KTN1: variants seen among roughly 807,000 people sequenced by gnomAD.
KTN1 encodes the protein kinectin.
Under a neutral mutation model 222.5 loss-of-function variants are expected in KTN1, and 130 were observed. The observed-to-expected ratio is 0.58, with a 90% CI of 0.51 to 0.68. The LOEUF (loss-of-function observed/expected upper bound fraction) is 0.68. Ranked by LOEUF, KTN1 falls within the 30% of genes least tolerant of loss-of-function variation. The probability of loss-of-function intolerance (pLI) is 0.00; values close to 1 mark genes in which losing one functional copy is unlikely to be tolerated. For synonymous variants in KTN1, 512 were observed against 496.3 expected, an observed-to-expected ratio of 1.03 and a Z score of -0.42; for missense variants, 1,508 against 1,500.4, an observed-to-expected ratio of 1.01 and a Z score of -0.08.
chr14:55,592,943 G>GCTA (rs2034391039), intron 1 of KTN1, among the ~76,000 whole-genome samples: 5 of 151,900 alleles, frequency 3.3e-5, no homozygotes, highest in Admixed American at 2.0e-4. Context: ...GACCTGTCTT[G>GCTA]GAGGCTAAGT....
chr14:55,616,509 T>C lies in KTN1; in HGVS notation c.524-8T>C, dbSNP rs774510326. ...CACAATTATTTTTTTTGTTTGTGTTTAATAAAGATGACCAGGATAAAAAGG... is the reference window on the plus strand; with the variant it reads ...CACAATTATTTTTTTTGTTTGTGTTCAATAAAGATGACCAGGATAAAAAGG... On this transcript the variant is annotated splice_region_variant and splice_polypyrimidine_tract_variant and intron_variant, in intron 2 of 43. Coordinates refer to ENST00000395314, the MANE Select transcript of KTN1 (RefSeq NM_001079521.2). 5 of 1,566,146 alleles carry C rather than the reference T, an allele frequency of 3.2e-6. No individual in the cohort carries two copies. The East Asian group carries it at 9.1e-5, about 28-fold the overall frequency.
At chr14:55,661,910 A>T (rs1264250467) in intron 32 of KTN1, 1 of 194,506 alleles carries the variant, frequency 5.1e-6, no homozygotes, top group Non-Finnish European at 1.0e-5. Context: ...TTGAACTTTT[A>T]TTTGGAAAAA....
chr14:55,590,679 CTT>C (rs1199051378), intron 1 of KTN1, among the ~76,000 whole-genome samples: 13 of 141,510 alleles, frequency 9.2e-5, no homozygotes, highest in Non-Finnish European at 1.1e-4. Context: ...TCAGGATATT[CTT>C]TTTTTTTTTT....
At chr14:55,625,559 A>C (rs921006355) in intron 5 of KTN1, among the ~76,000 whole-genome samples, 7 of 152,014 alleles carry the variant, frequency 4.6e-5, no homozygotes, top group African/African-American at 1.7e-4. Flanking sequence ...TTCATGTTTT[A>C]GTTTTAATTT....
rs745603741 is a variant in KTN1, at chr14:55,672,694, T to C, written c.3596T>C (p.Ile1199Thr). The C allele has an allele frequency of 1.3e-5, 20 of 1,580,842 alleles. No individual in the cohort carries two copies. The Admixed American group carries it at 3.0e-4, about 24-fold the overall frequency. Residue 1199 changes from isoleucine to threonine, a missense_variant, in exon 38 of 44, where the codon ATT (isoleucine) becomes ACT (threonine). Physicochemically the swap from Ile to Thr is moderately conservative, Grantham distance 89. Transcript: ENST00000395314. ...CGATTAAGAAGCGAAAATAAGGATA[T>C]TGAAAATGTATGTTATTTGATTGTT... ...LERLRSENKD[I>T]ENLRREREHL...
chr14:55,637,687 G>T, intron 11 of KTN1, 92 bp from the exon 12 acceptor site: 4 of 816,606 alleles, frequency 4.9e-6, no homozygotes, highest in Non-Finnish European at 7.5e-6. Flanking sequence ...AAAAGAAAAA[G>T]ATAAACAAAT....
In KTN1 at chr14:55,612,358, G is replaced by A. The variant is rs1181627572; in HGVS notation, c.310G>A (p.Val104Ile). ...TCAAGTTGCACCTGTTCCATTGAAT[G>A]TCGTTGAAACTTCAAGTAGTGTTAG... ...DDQVAPVPLNVVETSSSVRER... is the reference protein window; with the variant it reads ...DDQVAPVPLNIVETSSSVRER... Residue 104 changes from valine (V) to isoleucine (I), a missense_variant, in exon 2 of 44, where the codon GTC (valine) becomes ATC (isoleucine). Coordinates refer to ENST00000395314, the MANE Select transcript of KTN1 (RefSeq NM_001079521.2). 5 of 1,614,062 alleles carry A rather than the reference G, an allele frequency of 3.1e-6. No homozygotes were observed. The highest frequency in any genetic ancestry group is 2.2e-5 in the South Asian group (2 of 91,066).
intron 6 of KTN1, among the ~76,000 whole-genome samples, chr14:55,629,595 T>C (rs531270265): frequency 6.6e-6 from 1 of 152,254 alleles, no homozygotes; most frequent in South Asian, 2.1e-4. Flanking sequence ...AGAGAACGTG[T>C]ACCTGGGAAT....
intron 1 of KTN1, among the ~76,000 whole-genome samples, chr14:55,589,826 T>G (rs2033783956): frequency 6.6e-6 from 1 of 151,866 alleles, no homozygotes; most frequent in Admixed American, 6.6e-5. Flanking sequence ...GCCCAGCTAA[T>G]TTTTGTATTT....
At position 55,641,681 on chromosome 14, in the gene KTN1, CTT is replaced by C. The variant is rs778658999; in HGVS notation, c.2104-9_2104-8del. 1.3e-6 allele frequency: 2 copies of C among 1,549,226 alleles called. No homozygotes were observed. Among genetic ancestry groups the C allele is most frequent in the Non-Finnish European group, 8.9e-7 (1 of 1,121,614 alleles). On this transcript the variant is annotated splice_polypyrimidine_tract_variant and intron_variant, in intron 17 of 43. Coordinates refer to ENST00000395314, the MANE Select transcript of KTN1 (RefSeq NM_001079521.2). ...CTTAATAAAACAGTAAATTGAGACT[CTT>C]TCTTCCAGATTCTAAATGACCAAAA...
At chr14:55,661,421 T>C in intron 31 of KTN1, 101 bp from the exon 32 acceptor site, 1 of 667,348 alleles carries the variant, frequency 1.5e-6, no homozygotes, top group South Asian at 2.0e-5. Context: ...TGCTATCTCT[T>C]GATATTTTTA....
chr14:55,609,923 C>T (rs2037294422), intron 1 of KTN1, among the ~76,000 whole-genome samples: 1 of 152,054 alleles, frequency 6.6e-6, no homozygotes, highest in Non-Finnish European at 1.5e-5. Context: ...TCCTGGTTGA[C>T]GAATCACACT....
intron 43 of KTN1, chr14:55,680,941 G>A (rs903899200): frequency 4.2e-5 from 15 of 357,712 alleles, no homozygotes; most frequent in South Asian, 2.0e-4. Context: ...AACTTCCATC[G>A]CTTCTTCCCA....
intron 5 of KTN1, among the ~76,000 whole-genome samples, chr14:55,621,743 C>A (rs1457888228): frequency 6.6e-6 from 1 of 151,920 alleles, no homozygotes; most frequent in East Asian, 1.9e-4. Flanking sequence ...CAAACCATAT[C>A]ATATATTCAC....
chr14:55,653,197 A>G (rs1016276477), intron 27 of KTN1, 112 bp downstream of exon 27: 1 of 749,354 alleles, frequency 1.3e-6, no homozygotes, highest in African/African-American at 1.8e-5. Flanking sequence ...CAGAAAAATT[A>G]TGTTGTACCA....
chr14:55,669,911 GT>G (rs1229167950), intron 34 of KTN1, among the ~76,000 whole-genome samples: 2 of 151,846 alleles, frequency 1.3e-5, no homozygotes, highest in East Asian at 1.9e-4. Flanking sequence ...AATTTCATGA[GT>G]TTTTTTCTTA....
chr14:55,620,452 C>G (rs2038983072), intron 5 of KTN1, among the ~76,000 whole-genome samples: 2 of 152,226 alleles, frequency 1.3e-5, no homozygotes, highest in African/African-American at 4.8e-5. Flanking sequence ...CAGAGGTTCT[C>G]CATGAGGGCC....
In KTN1 at chr14:55,653,137, G is replaced by T. The variant is rs547008646; in HGVS notation, c.2763+52G>T. 4 of 1,183,918 alleles carry T rather than the reference G, an allele frequency of 3.4e-6. No homozygotes were observed. The Admixed American group carries it at 7.7e-5, about 23-fold the overall frequency. The allele number at this position is 1,183,918 out of a possible 1,614,324, so 73.3% of individuals were successfully genotyped here. On this transcript the variant is annotated intron_variant, in intron 27 of 43. Transcript: ENST00000395314. The stretch of plus-strand genomic sequence containing the variant: ...GTTACATAAGGAATGATAAATCTTT[G>T]TTTAAGGCATTAGAAAGTAAAGATG...
At chr14:55,680,811 A>G in intron 43 of KTN1, 2 of 795,400 alleles carry the variant, frequency 2.5e-6, no homozygotes, top group Non-Finnish European at 4.0e-6. Flanking sequence ...AACAAAAGTA[A>G]TTAAGCCTCA....
Sources: gnomAD v4.1 joint callset for allele counts (sites outside exome capture counted in the v4.1 genomes callset) on GRCh38, gnomAD v4.1.1 for gene constraint, MANE v1.5 for transcripts, NCBI Gene and HGNC (gene_info 2026-07-23, HGNC 2026-07-21) for gene names.